ATG4C: variants seen among roughly 807,000 people sequenced by gnomAD.
The protein encoded by ATG4C is autophagy related 4C cysteine peptidase.
Under a neutral mutation model 57.6 loss-of-function variants are expected in ATG4C, and 56 were observed. The observed-to-expected ratio is 0.97, with a 90% CI of 0.78 to 1.21. ATG4C has a LOEUF of 1.21. Among genes scored for constraint, ATG4C ranks in the 50% most tolerant of loss-of-function variants. ATG4C has a pLI of 0.00. For missense variants in ATG4C, 595 were observed against 529.8 expected, an observed-to-expected ratio of 1.12 and a Z score of -1.21; for synonymous variants, 157 against 174.1, an observed-to-expected ratio of 0.90 and a Z score of 0.78.
intron 1 of ATG4C, among the ~76,000 whole-genome samples, chr1:62,800,794 G>A (rs1332850054): frequency 1.3e-5 from 2 of 152,138 alleles, no homozygotes; most frequent in East Asian, 1.9e-4. Flanking sequence ...CAGAATTTAA[G>A]AACAGTCAGT....
At chr1:62,843,993 A>G (rs931483118) in intron 10 of ATG4C, among the ~76,000 whole-genome samples, 3 of 152,244 alleles carry the variant, frequency 2.0e-5, no homozygotes, top group East Asian at 1.9e-4. Flanking sequence ...GCTTTAAAGT[A>G]TAGGCTTAAT....
At chr1:62,836,525 T>C (rs1203737765) in intron 9 of ATG4C, among the ~76,000 whole-genome samples, 1 of 152,072 alleles carries the variant, frequency 6.6e-6, no homozygotes, top group Non-Finnish European at 1.5e-5. Flanking sequence ...TTATATCAAG[T>C]TGTAGAGGAA....
chr1:62,796,207 G>GTTTTTTTTTT (rs60552573), intron 1 of ATG4C, among the ~76,000 whole-genome samples: 5 of 91,162 alleles, frequency 5.5e-5, no homozygotes, highest in East Asian at 3.3e-4. Flanking sequence ...ATTTGTGTGG[G>GTTTTTTTTTT]TTTTTTTTTT....
chr1:62,804,073 T>C (rs56747033), intron 2 of ATG4C, among the ~76,000 whole-genome samples: 7,999 of 150,604 alleles, frequency 0.053, 727 homozygotes, highest in African/African-American at 0.19. Context: ...AAGCATACGA[T>C]GTGGTCTCCT....
At chr1:62,838,276 G>C (rs116394268) in intron 9 of ATG4C, among the ~76,000 whole-genome samples, 1 of 151,970 alleles carries the variant, frequency 6.6e-6, no homozygotes, top group Non-Finnish European at 1.5e-5. Flanking sequence ...CTTAAAGTGC[G>C]TTTGTCAAGT....
intron 1 of ATG4C, among the ~76,000 whole-genome samples, chr1:62,790,726 T>A (rs892577064): frequency 6.6e-6 from 1 of 152,232 alleles, no homozygotes. Flanking sequence ...ATATTAAGTT[T>A]TAAGACTTGT....
chr1:62,823,624 C>A (rs775379518), intron 6 of ATG4C, among the ~76,000 whole-genome samples: 1 of 152,182 alleles, frequency 6.6e-6, no homozygotes, highest in African/African-American at 2.4e-5. Flanking sequence ...CTCATGTTAT[C>A]TTGGCATATG....
At position 62,796,916 on chromosome 1, in the gene ATG4C, TG is replaced by T. The variant is rs1389229272; in HGVS notation, c.-68-6801del. The stretch of plus-strand genomic sequence containing the variant: ...TGAGGTCAGGAGTTTGAGACCAGCC[TG>T]GCCAACATGGTGAAACCCCGTCTCT... On this transcript the variant is annotated intron_variant, in intron 1 of 10. Transcript: ENST00000317868. 5.3e-5 allele frequency among the ~76,000 whole-genome samples: 8 copies of T among 152,272 alleles called. No individual in the cohort carries two copies. In the East Asian group the frequency reaches 1.5e-3, roughly 29 times the overall value.
chr1:62,816,811 A>G lies in ATG4C; in HGVS notation c.394+3A>G. The G allele has an allele frequency of 6.6e-7, 1 of 1,511,890 alleles. No homozygotes were observed. The highest frequency in any genetic ancestry group is 1.3e-5 in the South Asian group (1 of 77,860). The allele number at this position is 1,511,890 out of a possible 1,614,324, so 93.7% of individuals were successfully genotyped here. ...CATACTACACTTTCTTGGTAGAGGT[A>G]AATCAAATTTCTGTTTTTGTTTTGT... On this transcript the variant is annotated splice_donor_region_variant and intron_variant, in intron 4 of 10. Coordinates refer to ENST00000317868, the MANE Select transcript of ATG4C (RefSeq NM_032852.4).
Position 62,841,546 on chromosome 1 carries a change from A to G in ATG4C, c.1208A>G (p.Lys403Arg). The part of the protein sequence containing the change: ...DFKRASEEIT[K>R]MLKFSSKEKY... ...AAACGAGCTTCTGAAGAAATCACCAAGGTATCTTTATTTAAAATATTATAT... is the reference window on the plus strand; with the variant it reads ...AAACGAGCTTCTGAAGAAATCACCAGGGTATCTTTATTTAAAATATTATAT... Residue 403 changes from lysine (K) to arginine (R), a missense_variant and splice_region_variant, in exon 10 of 11, where the codon AAG becomes AGG. Physicochemically the swap from Lys to Arg is conservative, Grantham distance 26. Transcript: ENST00000317868. The G allele has an allele frequency of 6.4e-7, 1 of 1,572,514 alleles. No individual in the cohort carries two copies. Among genetic ancestry groups the G allele is most frequent in the Non-Finnish European group, 8.6e-7 (1 of 1,160,764 alleles).
At chr1:62,819,389 G>A in intron 5 of ATG4C, 54 bp downstream of exon 5, 1 of 1,427,796 alleles carries the variant, frequency 7.0e-7, no homozygotes, top group Non-Finnish European at 9.4e-7. Flanking sequence ...AGGATTAAGA[G>A]ATACTGATTT....
chr1:62,789,198 T>C (rs1664184824), intron 1 of ATG4C, among the ~76,000 whole-genome samples: 2 of 152,234 alleles, frequency 1.3e-5, no homozygotes, highest in Non-Finnish European at 2.9e-5. Context: ...GGCTCTCTTC[T>C]CTAAATAAGA....
chr1:62,853,454 T>C (rs778875515), intron 10 of ATG4C, among the ~76,000 whole-genome samples: 1 of 152,194 alleles, frequency 6.6e-6, no homozygotes, highest in Non-Finnish European at 1.5e-5. Context: ...ATTACTGTTA[T>C]TTTTACTTTT....
intron 10 of ATG4C, among the ~76,000 whole-genome samples, chr1:62,843,125 C>G (rs993103213): frequency 4.6e-5 from 7 of 150,848 alleles, no homozygotes; most frequent in African/African-American, 1.7e-4. Flanking sequence ...GGAATAGAAA[C>G]AAACCAGATT....
intron 10 of ATG4C, among the ~76,000 whole-genome samples, chr1:62,850,914 A>G (rs1372866413): frequency 1.4e-5 from 2 of 141,116 alleles, no homozygotes; most frequent in African/African-American, 5.2e-5. Flanking sequence ...ATACACATAC[A>G]CACACATTCT....
chr1:62,849,224 A>G (rs1281603310), intron 10 of ATG4C, among the ~76,000 whole-genome samples: 2 of 152,170 alleles, frequency 1.3e-5, no homozygotes, highest in South Asian at 2.1e-4. Flanking sequence ...CCACCCGGGC[A>G]TGCATACCTG....
intron 10 of ATG4C, 71 bp from the exon 11 acceptor site, chr1:62,863,921 T>C: frequency 9.1e-7 from 1 of 1,095,008 alleles, no homozygotes; most frequent in Non-Finnish European, 1.3e-6. Flanking sequence ...GCTAAAACAG[T>C]AGATTTGTCG....
At chr1:62,858,121 T>A (rs1666741433) in intron 10 of ATG4C, among the ~76,000 whole-genome samples, 1 of 152,232 alleles carries the variant, frequency 6.6e-6, no homozygotes, top group South Asian at 2.1e-4. Context: ...AAAGTAGCAA[T>A]GTCAGGCTGG....
intron 10 of ATG4C, among the ~76,000 whole-genome samples, chr1:62,862,071 C>G (rs1377104584): frequency 6.6e-6 from 1 of 152,016 alleles, no homozygotes; most frequent in Admixed American, 6.6e-5. Flanking sequence ...TTGGGTAAAC[C>G]TTTAATATAT....
Sources: gnomAD v4.1 joint callset for allele counts (sites outside exome capture counted in the v4.1 genomes callset) on GRCh38, gnomAD v4.1.1 for gene constraint, MANE v1.5 for transcripts, NCBI Gene and HGNC (gene_info 2026-07-23, HGNC 2026-07-21) for gene names.